The following WDR72 variants were observed in gnomAD, a reference collection of about 807,000 sequenced individuals.
The protein encoded by WDR72 is WD repeat domain 72, also known as WD repeat-containing protein 72.
WDR72 carries 120 observed loss-of-function variants against 124.2 expected under a neutral mutation model. That is an observed-to-expected ratio of 0.97 (90% CI 0.83 to 1.12). The LOEUF is 1.12. Ranked by LOEUF, WDR72 falls within the 50% of genes most tolerant of loss-of-function variation. The probability of loss-of-function intolerance (pLI) is 0.00; values close to 1 mark genes in which losing one functional copy is unlikely to be tolerated. For synonymous variants in WDR72, 452 were observed against 441.7 expected (o/e 1.02, Z -0.29); for missense variants, 1,387 against 1,278.8 (o/e 1.08, Z -1.29).
intron 1 of WDR72, among the ~76,000 whole-genome samples, chr15:53,758,010 T>C (rs1247587931): frequency 1.4e-5 from 2 of 147,410 alleles, no homozygotes; most frequent in African/African-American, 5.4e-5. Context: ...TCTCTCTCTT[T>C]TTCTCTTTTG....
At chr15:53,689,723 C>T (rs1043459695) in intron 13 of WDR72, among the ~76,000 whole-genome samples, 2 of 151,718 alleles carry the variant, frequency 1.3e-5, no homozygotes, top group East Asian at 3.9e-4. Context: ...TGGGTATATA[C>T]CCAAAGGACT....
intron 18 of WDR72, among the ~76,000 whole-genome samples, chr15:53,530,990 C>T (rs1187718044): frequency 2.6e-5 from 4 of 152,008 alleles, no homozygotes; most frequent in Non-Finnish European, 4.4e-5. Context: ...CAAGGGAAAG[C>T]GTTTGTCTCA....
At chr15:53,605,860 T>A (rs562672033) in intron 17 of WDR72, among the ~76,000 whole-genome samples, 1 of 152,094 alleles carries the variant, frequency 6.6e-6, no homozygotes, top group African/African-American at 2.4e-5. Context: ...ATAATAATAA[T>A]TTGAGGATCG....
chr15:53,594,627 TAA>T (rs60703765), intron 18 of WDR72, among the ~76,000 whole-genome samples: 12,962 of 141,998 alleles, frequency 0.091, 623 homozygotes, highest in African/African-American at 0.13. Context: ...AAATAAAAAT[TAA>T]AAAAAAAAAA....
chr15:53,522,830 A>C (rs1891876281), intron 19 of WDR72, among the ~76,000 whole-genome samples: 1 of 152,068 alleles, frequency 6.6e-6, no homozygotes, highest in South Asian at 2.1e-4. Flanking sequence ...TAATGATGAC[A>C]GTTTCTCTTT....
intron 10 of WDR72, among the ~76,000 whole-genome samples, chr15:53,705,531 C>T (rs530504789): frequency 2.0e-5 from 3 of 152,178 alleles, no homozygotes; most frequent in Non-Finnish European, 2.9e-5. Context: ...GGCATGATCT[C>T]GGCTCACCGC....
chr15:53,601,829 C>A (rs538550459), intron 17 of WDR72, among the ~76,000 whole-genome samples: 80 of 152,274 alleles, frequency 5.3e-4, no homozygotes, highest in African/African-American at 1.9e-3. Flanking sequence ...CACAGGAGCA[C>A]ACAGGTTCAT....
intron 13 of WDR72, among the ~76,000 whole-genome samples, chr15:53,678,720 C>G (rs1293752227): frequency 6.6e-6 from 1 of 152,162 alleles, no homozygotes; most frequent in African/African-American, 2.4e-5. Flanking sequence ...GTATGCGTGG[C>G]TGCGTATCCT....
chr15:53,618,000 T>G (rs1019392556), intron 14 of WDR72, among the ~76,000 whole-genome samples: 1 of 151,998 alleles, frequency 6.6e-6, no homozygotes, highest in African/African-American at 2.4e-5. Context: ...TGACAATTCA[T>G]TGAGCTGTAC....
chr15:53,754,406 C>T (rs981221707), intron 1 of WDR72, among the ~76,000 whole-genome samples: 1 of 152,006 alleles, frequency 6.6e-6, no homozygotes, highest in Non-Finnish European at 1.5e-5. Flanking sequence ...TACAGGCCAA[C>T]AAAAACCAGG....
At chr15:53,605,080 A>G (rs924016908) in intron 17 of WDR72, among the ~76,000 whole-genome samples, 1 of 152,226 alleles carries the variant, frequency 6.6e-6, no homozygotes, top group African/African-American at 2.4e-5. Context: ...AAAGACATGG[A>G]ATAAACCTAA....
At chr15:53,606,030 A>G (rs1482694555) in intron 17 of WDR72, among the ~76,000 whole-genome samples, 1 of 152,132 alleles carries the variant, frequency 6.6e-6, no homozygotes, top group African/African-American at 2.4e-5. Context: ...ATGAGAAGAG[A>G]ACCTTGAAGT....
At chr15:53,523,163 C>G (rs1891891449) in intron 19 of WDR72, 55 bp downstream of exon 19, 3 of 1,559,644 alleles carry the variant, frequency 1.9e-6, no homozygotes. Flanking sequence ...CCAAGGACCC[C>G]AAAGCTGTGT....
At chr15:53,749,403 T>C (rs2018721095) in intron 1 of WDR72, among the ~76,000 whole-genome samples, 2 of 152,152 alleles carry the variant, frequency 1.3e-5, no homozygotes, top group Non-Finnish European at 2.9e-5. Context: ...CCATATAAGA[T>C]GGCAAACTTA....
intron 1 of WDR72, among the ~76,000 whole-genome samples, chr15:53,756,415 G>C (rs1466830555): frequency 1.3e-5 from 2 of 152,142 alleles, no homozygotes; most frequent in Non-Finnish European, 2.9e-5. Flanking sequence ...TGTCCTTAGA[G>C]CAGTATGAGA....
At chr15:53,533,070 C>T (rs186171038) in intron 18 of WDR72, among the ~76,000 whole-genome samples, 14 of 152,118 alleles carry the variant, frequency 9.2e-5, no homozygotes, top group East Asian at 7.8e-4. Context: ...CGGAAGGAGA[C>T]GAGCAACACA....
At chr15:53,742,476 C>T (rs1401174260) in intron 1 of WDR72, among the ~76,000 whole-genome samples, 1 of 151,926 alleles carries the variant, frequency 6.6e-6, no homozygotes, top group Non-Finnish European at 1.5e-5. Context: ...TTATTGTATA[C>T]CAAATTTGAG....
intron 18 of WDR72, among the ~76,000 whole-genome samples, chr15:53,524,667 C>G (rs1892005482): frequency 6.6e-6 from 1 of 152,130 alleles, no homozygotes; most frequent in Non-Finnish European, 1.5e-5. Context: ...GTTTCACCAA[C>G]TCTCTCAGGA....
intron 2 of WDR72, 86 bp from the exon 3 acceptor site, chr15:53,722,994 T>C (rs2017922263): frequency 7.8e-7 from 1 of 1,275,978 alleles, no homozygotes; most frequent in Non-Finnish European, 1.1e-6. Flanking sequence ...TAACTCTGAT[T>C]AGGAAATTCT....
Sources: allele counts gnomAD v4.1 joint callset (sites outside exome capture counted in the v4.1 genomes callset), GRCh38; gene constraint gnomAD v4.1.1; transcripts MANE v1.5; gene names NCBI Gene and HGNC (gene_info 2026-07-23, HGNC 2026-07-21).